JARID2: variants seen among roughly 807,000 people sequenced by gnomAD.
JARID2 encodes protein Jumonji.
JARID2 carries 21 observed loss-of-function variants against 125.6 expected under a neutral mutation model. That is an observed-to-expected ratio of 0.17 (90% CI 0.12 to 0.24). The LOEUF (loss-of-function observed/expected upper bound fraction) is 0.24, where lower values mean the gene tolerates loss of function less well. JARID2 is among the 10% of genes least tolerant of loss of function. The pLI is 1.00. For missense variants in JARID2, 1,303 were observed against 1,639.6 expected, an observed-to-expected ratio of 0.79 and a Z score of 3.55; for synonymous variants, 736 against 661.6, an observed-to-expected ratio of 1.11 and a Z score of -1.73.
rs1349927663 is a variant in JARID2 at position 15,324,655 on chromosome 6, T to G, written c.46-49462T>G. ...CCACGCCTGGCTGATTTTTGTGTTT[T>G]TTTTTTTTTTTGGTAGTTTTGTAGC... On this transcript the variant is annotated intron_variant, in intron 1 of 17. Transcript: ENST00000341776. 3.8e-4 allele frequency among the ~76,000 whole-genome samples: 57 copies of G among 149,742 alleles called. 1 individual carries two copies. Among genetic ancestry groups the G allele is most frequent in the Middle Eastern group, 7.0e-3 (2 of 286 alleles).
At chr6:15,406,270 C>T (rs1299401931) in intron 2 of JARID2, among the ~76,000 whole-genome samples, 3 of 152,266 alleles carry the variant, frequency 2.0e-5, no homozygotes, top group African/African-American at 7.2e-5. Flanking sequence ...CCCGTCTCTA[C>T]TAAAATTACA....
chr6:15,501,687 G>A (rs1360251882), intron 8 of JARID2, among the ~76,000 whole-genome samples: 4 of 152,138 alleles, frequency 2.6e-5, no homozygotes, highest in Non-Finnish European at 5.9e-5. Flanking sequence ...TTGTGGGTGC[G>A]TTGATGGGGC....
chr6:15,462,252 A>C (rs1768487282), intron 4 of JARID2, among the ~76,000 whole-genome samples: 1 of 152,208 alleles, frequency 6.6e-6, no homozygotes, highest in Non-Finnish European at 1.5e-5. Flanking sequence ...AATGAATGCG[A>C]ATTGGGAAAT....
intron 1 of JARID2, among the ~76,000 whole-genome samples, chr6:15,337,864 C>CT (rs2127464175): frequency 6.6e-6 from 1 of 152,278 alleles, no homozygotes; most frequent in African/African-American, 2.4e-5. Flanking sequence ...CTCTAAAATG[C>CT]TTTTTCAGTC....
chr6:15,255,108 T>G (rs1367643128), intron 1 of JARID2, among the ~76,000 whole-genome samples: 1 of 150,728 alleles, frequency 6.6e-6, no homozygotes, highest in Non-Finnish European at 1.5e-5. Flanking sequence ...GTAAGAGTCT[T>G]CCGTCATACA....
At chr6:15,264,172 CAG>C (rs1327777565) in intron 1 of JARID2, among the ~76,000 whole-genome samples, 1 of 152,102 alleles carries the variant, frequency 6.6e-6, no homozygotes, top group Non-Finnish European at 1.5e-5. Context: ...TTTTGTGAAG[CAG>C]AGAGTGCGTG....
intron 1 of JARID2, among the ~76,000 whole-genome samples, chr6:15,286,190 A>G (rs1760992529): frequency 6.6e-6 from 1 of 152,176 alleles, no homozygotes; most frequent in South Asian, 2.1e-4. Flanking sequence ...TTTCTTTGAA[A>G]ATGTGAGACT....
rs376187096 is a variant in JARID2, at chr6:15,417,637, G to A, written c.323+7272G>A. 1.3e-5 allele frequency among the ~76,000 whole-genome samples: 2 copies of A among 152,294 alleles called. 1 individual carries two copies. On this transcript the variant is annotated intron_variant, in intron 3 of 17. Transcript: ENST00000341776. ...CATGAGCCTGTAGTCCCAGTTACAG[G>A]AGGGTGAGATGAGAGGATCGTTTGA...
At chr6:15,501,652 A>G (rs774632558) in intron 8 of JARID2, among the ~76,000 whole-genome samples, 5 of 152,164 alleles carry the variant, frequency 3.3e-5, no homozygotes, top group Non-Finnish European at 5.9e-5. Flanking sequence ...TGGGAAGTCC[A>G]ATATCGAGGA....
chr6:15,302,209 A>G (rs1761648821), intron 1 of JARID2, among the ~76,000 whole-genome samples: 1 of 152,176 alleles, frequency 6.6e-6, no homozygotes, highest in Non-Finnish European at 1.5e-5. Flanking sequence ...TAAGGTCAGG[A>G]GTTCGAGACC....
intron 1 of JARID2, among the ~76,000 whole-genome samples, chr6:15,344,590 A>T (rs1166610237): frequency 1.5e-4 from 23 of 151,718 alleles, no homozygotes; most frequent in Admixed American, 1.4e-3. Flanking sequence ...AGTCCAAAAC[A>T]TTCCCATTCC....
chr6:15,445,075 T>C (rs1408553640), intron 3 of JARID2, among the ~76,000 whole-genome samples: 2 of 152,168 alleles, frequency 1.3e-5, no homozygotes, highest in African/African-American at 4.8e-5. Flanking sequence ...CAGTCAGGGC[T>C]ACCCTAGAGA....
At chr6:15,261,617 G>C (rs1352941326) in intron 1 of JARID2, among the ~76,000 whole-genome samples, 1 of 152,188 alleles carries the variant, frequency 6.6e-6, no homozygotes, top group East Asian at 1.9e-4. Context: ...ACCCCGCCCG[G>C]CCTGGTGTTT....
chr6:15,338,905 GAAT>G, intron 1 of JARID2, among the ~76,000 whole-genome samples: 1 of 152,288 alleles, frequency 6.6e-6, no homozygotes, highest in Non-Finnish European at 1.5e-5. Context: ...AGGCTTTTCA[GAAT>G]TTCACTAAAA....
Position 15,496,236 on chromosome 6 carries a change from G to A in JARID2, c.1011G>A (p.Lys337=), listed in dbSNP as rs1343302790. Residue 337 remains lysine (K), a synonymous_variant, in exon 7 of 18, where the codon AAG becomes AAA. Transcript: ENST00000341776. ...EVRPSPSKTV[K]YTATVTKGAV... ...GACCTTCACCATCCAAAACTGTGAA[G>A]TACACTGCCACGGTGACGAAGGGGG... The A allele has an allele frequency of 1.1e-5, 17 of 1,614,198 alleles. No individual in the cohort carries two copies. The highest frequency in any genetic ancestry group is 2.2e-5 in the East Asian group (1 of 44,874).
chr6:15,447,340 T>A (rs1767717561), intron 3 of JARID2, among the ~76,000 whole-genome samples: 1 of 151,772 alleles, frequency 6.6e-6, no homozygotes, highest in South Asian at 2.1e-4. Flanking sequence ...GTTCCTGGAA[T>A]GAAGGTGTCT....
chr6:15,428,602 A>G (rs1383225150), intron 3 of JARID2, among the ~76,000 whole-genome samples: 2 of 152,172 alleles, frequency 1.3e-5, no homozygotes, highest in Non-Finnish European at 2.9e-5. Flanking sequence ...ACATGAACTC[A>G]TGCAATGATA....
chr6:15,380,431 G>A (rs1262490429), intron 2 of JARID2, among the ~76,000 whole-genome samples: 1 of 152,190 alleles, frequency 6.6e-6, no homozygotes, highest in Non-Finnish European at 1.5e-5. Flanking sequence ...ATTTGTAATT[G>A]AATTGATAGA....
At chr6:15,341,656 C>A (rs1270781594) in intron 1 of JARID2, among the ~76,000 whole-genome samples, 1 of 152,056 alleles carries the variant, frequency 6.6e-6, no homozygotes, top group Non-Finnish European at 1.5e-5. Context: ...GAAGAGGTGC[C>A]AAGTAAGTTT....
Sources: allele counts gnomAD v4.1 joint callset (sites outside exome capture counted in the v4.1 genomes callset), GRCh38; gene constraint gnomAD v4.1.1; transcripts MANE v1.5; gene names NCBI Gene and HGNC (gene_info 2026-07-23, HGNC 2026-07-21).